The following LAP3 variants were observed in gnomAD, a reference collection of about 807,000 sequenced individuals.
LAP3 encodes the protein leucine aminopeptidase 3, also known as cytosol aminopeptidase.
LAP3 carries 46 observed loss-of-function variants against 58.8 expected under a neutral mutation model. The ratio of observed to expected loss-of-function variants is 0.78; its 90% CI spans 0.62 to 1.00. The LOEUF is 1.00. LAP3 is among the 50% of genes least tolerant of loss of function. LAP3 has a pLI of 0.00. For synonymous variants in LAP3, 257 were observed against 237.7 expected (o/e 1.08, Z -0.75); for missense variants, 615 against 659.1 (o/e 0.93, Z 0.73).
chr4:17,594,586 C>T (rs545791424), intron 7 of LAP3, among the ~76,000 whole-genome samples: 7 of 152,306 alleles, frequency 4.6e-5, no homozygotes, highest in African/African-American at 1.7e-4. Flanking sequence ...GCAGAAAAAC[C>T]ACTAGCTAGT....
At chr4:17,604,726 T>C (rs995521172) in intron 11 of LAP3, 59 bp downstream of exon 11, 1 of 1,295,476 alleles carries the variant, frequency 7.7e-7, no homozygotes. Flanking sequence ...ATTCTAGCCT[T>C]AGAAGGATAG....
Position 17,585,074 on chromosome 4 carries a change from A to T in LAP3, c.642A>T (p.Arg214Ser). ...CAGCCAATGAGATGACGCCAACCAG[A>T]TTTGCTGAAATTATTGAGAAGAATC... The part of the protein sequence containing the change: ...ETPANEMTPT[R>S]FAEIIEKNLK... The change falls in exon 6 of 13, where the codon AGA becomes AGT. Residue 214 changes from arginine to serine, a missense_variant. Arg to Ser is a moderately radical substitution (Grantham distance 110). Coordinates refer to ENST00000226299, the MANE Select transcript of LAP3 (RefSeq NM_015907.3). The T allele has an allele frequency of 6.2e-7, 1 of 1,614,038 alleles. No individual in the cohort carries two copies.
intron 2 of LAP3, 107 bp from the exon 3 acceptor site, chr4:17,581,653 G>A (rs1713366240): frequency 1.3e-6 from 1 of 745,064 alleles, no homozygotes; most frequent in Non-Finnish European, 2.3e-6. Context: ...AAAAGACCAT[G>A]GAAGCAGTTA....
At chr4:17,577,665 C>G in intron 1 of LAP3, 98 bp downstream of exon 1, 2 of 937,756 alleles carry the variant, frequency 2.1e-6, no homozygotes, top group Non-Finnish European at 3.2e-6. Flanking sequence ...CCTGGGCGCC[C>G]AAGCCAAGTT....
intron 6 of LAP3, 173 bp downstream of exon 6, chr4:17,585,309 A>G (rs997346560): frequency 1.1e-5 from 6 of 555,794 alleles, no homozygotes; most frequent in African/African-American, 7.6e-5. Flanking sequence ...GGTTCTTTCT[A>G]TCTTTCCTTG....
chr4:17,589,794 C>T (rs115138735), intron 7 of LAP3, among the ~76,000 whole-genome samples: 117 of 152,314 alleles, frequency 7.7e-4, no homozygotes, highest in African/African-American at 2.8e-3. Context: ...ATGCACTTTG[C>T]TTGTCCTCTG....
At chr4:17,597,703 C>T (rs1381397543) in intron 9 of LAP3, among the ~76,000 whole-genome samples, 1 of 152,212 alleles carries the variant, frequency 6.6e-6, no homozygotes, top group African/African-American at 2.4e-5. Flanking sequence ...AATTTGCTGC[C>T]AGCCCTGCAG....
chr4:17,579,788 A>G, intron 1 of LAP3, 36 bp from the exon 2 acceptor site: 20 of 936,348 alleles, frequency 2.1e-5, no homozygotes, highest in Non-Finnish European at 3.3e-5. Context: ...GATCTACTCT[A>G]ATTCTATTAT....
At chr4:17,601,468 CTGAT>C (rs1016237844) in intron 10 of LAP3, among the ~76,000 whole-genome samples, 7 of 152,110 alleles carry the variant, frequency 4.6e-5, no homozygotes, top group Non-Finnish European at 7.4e-5. Flanking sequence ...AATTTTAAAA[CTGAT>C]AGATGACTCT....
intron 12 of LAP3, 74 bp from the exon 13 acceptor site, chr4:17,607,326 G>A: frequency 7.5e-7 from 1 of 1,325,568 alleles, no homozygotes; most frequent in South Asian, 1.4e-5. Context: ...GTTATAGAAT[G>A]TACTTAGCAA....
chr4:17,593,139 A>G (rs1255707120), intron 7 of LAP3, among the ~76,000 whole-genome samples: 5 of 152,236 alleles, frequency 3.3e-5, no homozygotes, highest in Non-Finnish European at 7.3e-5. Flanking sequence ...ACATTGGTAT[A>G]TCTTCTGTAG....
chr4:17,599,048 A>C (rs546910524), intron 10 of LAP3, among the ~76,000 whole-genome samples: 3 of 151,584 alleles, frequency 2.0e-5, no homozygotes, highest in Non-Finnish European at 4.4e-5. Context: ...TAATTTTTAT[A>C]TTTTAGTAGA....
intron 6 of LAP3, among the ~76,000 whole-genome samples, chr4:17,588,339 T>G (rs2109019958): frequency 6.6e-6 from 1 of 152,298 alleles, no homozygotes; most frequent in Middle Eastern, 3.4e-3. Flanking sequence ...TAGAGACAGT[T>G]TCACTTTTTT....
At chr4:17,594,464 T>G (rs996356251) in intron 7 of LAP3, among the ~76,000 whole-genome samples, 1 of 152,220 alleles carries the variant, frequency 6.6e-6, no homozygotes, top group African/African-American at 2.4e-5. Flanking sequence ...CTCTCTCCAG[T>G]GAGCCACCAG....
At chr4:17,597,170 C>CG in intron 9 of LAP3, 36 bp downstream of exon 9, 1 of 1,558,022 alleles carries the variant, frequency 6.4e-7, no homozygotes, top group Non-Finnish European at 8.9e-7. Context: ...CCCCATCCAG[C>CG]GTTCCTCAGG....
intron 6 of LAP3, 123 bp downstream of exon 6, chr4:17,585,259 C>T (rs1243433460): frequency 1.3e-6 from 1 of 742,748 alleles, no homozygotes; most frequent in Non-Finnish European, 2.2e-6. Context: ...AGATGACCCA[C>T]TTGGGTCCAC....
At chr4:17,587,250 C>T (rs1183042574) in intron 6 of LAP3, among the ~76,000 whole-genome samples, 1 of 152,132 alleles carries the variant, frequency 6.6e-6, no homozygotes, top group Admixed American at 6.6e-5. Context: ...CCAGGCAGGA[C>T]GCATGGGTGG....
chr4:17,580,361 C>T (rs1318676639), intron 2 of LAP3, among the ~76,000 whole-genome samples: 4 of 149,206 alleles, frequency 2.7e-5, no homozygotes, highest in Non-Finnish European at 4.4e-5. Flanking sequence ...GAGACAATGC[C>T]GGGAAGTGCT....
intron 10 of LAP3, among the ~76,000 whole-genome samples, chr4:17,602,476 C>A (rs1560348956): frequency 6.6e-6 from 1 of 152,114 alleles, no homozygotes; most frequent in Non-Finnish European, 1.5e-5. Flanking sequence ...AAATAGAAGT[C>A]AGCCAATGGG....
Sources: allele counts gnomAD v4.1 joint callset (sites outside exome capture counted in the v4.1 genomes callset), GRCh38; gene constraint gnomAD v4.1.1; transcripts MANE v1.5; gene names NCBI Gene and HGNC (gene_info 2026-07-23, HGNC 2026-07-21).